Variants in DNAH6 observed in about 807,000 individuals in gnomAD.
DNAH6 encodes axonemal beta dynein heavy chain 6.
DNAH6 carries 340 observed loss-of-function variants against 491.4 expected under a neutral mutation model. That is an observed-to-expected ratio of 0.69 (90% CI 0.63 to 0.76). DNAH6 has a LOEUF of 0.76. Ranked by LOEUF, DNAH6 falls within the 30% of genes least tolerant of loss-of-function variation. DNAH6 has a pLI of 0.00. For missense variants in DNAH6, 4,443 were observed against 4,972.2 expected (o/e 0.89, Z 3.20); for synonymous variants, 1,603 against 1,686.1 (o/e 0.95, Z 1.21).
chr2:84,569,179 G>C (rs986539490), intron 11 of DNAH6, among the ~76,000 whole-genome samples: 6 of 152,054 alleles, frequency 3.9e-5, no homozygotes, highest in Admixed American at 3.9e-4. Flanking sequence ...TCTACACAAA[G>C]GAATACTATG....
At chr2:84,789,965 G>A (rs1677589386) in intron 68 of DNAH6, among the ~76,000 whole-genome samples, 1 of 152,144 alleles carries the variant, frequency 6.6e-6, no homozygotes, top group Admixed American at 6.5e-5. Context: ...TCAGTTCTTT[G>A]GGGATGGACT....
At chr2:84,602,124 T>C (rs970195162) in intron 18 of DNAH6, among the ~76,000 whole-genome samples, 1 of 151,888 alleles carries the variant, frequency 6.6e-6, no homozygotes, top group African/African-American at 2.4e-5. Context: ...TTTAGAGCAA[T>C]AAAAATAAGA....
chr2:84,627,806 A>G (rs1216473915), intron 29 of DNAH6, among the ~76,000 whole-genome samples: 5 of 152,012 alleles, frequency 3.3e-5, no homozygotes, highest in African/African-American at 1.2e-4. Flanking sequence ...TCTTACCCTC[A>G]TATTTTCTCT....
chr2:84,571,846 A>T (rs1456728460), intron 11 of DNAH6, among the ~76,000 whole-genome samples: 1 of 151,940 alleles, frequency 6.6e-6, no homozygotes, highest in African/African-American at 2.4e-5. Context: ...TGAGCCCGAG[A>T]GGTGGAGGTT....
Position 84,745,122 on chromosome 2 carries a change from A to T in DNAH6, c.10385A>T (p.Tyr3462Phe). Residue 3462 changes from tyrosine to phenylalanine, a missense_variant, in exon 63 of 77, where the codon TAT (tyrosine) becomes TTT (phenylalanine). Physicochemically the swap from Tyr to Phe is conservative, Grantham distance 22 (BLOSUM62 3). This residue lies in a region of DNAH6 where 1,463 missense variants were observed against 1,656.6 expected (regional missense o/e 0.88). Coordinates refer to ENST00000389394, the MANE Select transcript of DNAH6 (RefSeq NM_001370.2). Reference sequence around the variant, plus strand: ...ATTAACCCACAGAAATGGGAAGGCTATTCTAAAATGAAACACGAAGATAAA... The same window carrying T: ...ATTAACCCACAGAAATGGGAAGGCTTTTCTAAAATGAAACACGAAGATAAA... ...TYINPQKWEG[Y>F]SKMKHEDKHM... The T allele has an allele frequency of 6.5e-7, 1 of 1,544,252 alleles. No individual in the cohort carries two copies. The highest frequency in any genetic ancestry group is 8.7e-7 in the Non-Finnish European group (1 of 1,143,326).
chr2:84,624,187 A>C, intron 26 of DNAH6, 78 bp from the exon 27 acceptor site: 1 of 1,322,090 alleles, frequency 7.6e-7, no homozygotes, highest in East Asian at 2.6e-5. Flanking sequence ...GTCTCTCCAA[A>C]TTGAATGGTG....
At chr2:84,728,492 A>G (rs988929618) in intron 61 of DNAH6, among the ~76,000 whole-genome samples, 2 of 152,214 alleles carry the variant, frequency 1.3e-5, no homozygotes, top group Admixed American at 6.5e-5. Flanking sequence ...ATGGTGTACT[A>G]TCCTCACCTA....
chr2:84,667,000 A>T (rs965349231), intron 37 of DNAH6, among the ~76,000 whole-genome samples: 1 of 152,122 alleles, frequency 6.6e-6, no homozygotes, highest in East Asian at 1.9e-4. Context: ...ATGGGGAAAC[A>T]ATTCCCTATT....
At chr2:84,778,140 AC>A (rs1676329289) in intron 64 of DNAH6, 1 of 766,586 alleles carries the variant, frequency 1.3e-6, no homozygotes, top group African/African-American at 1.7e-5. Context: ...AACAGCACCA[AC>A]CCCAACAACT....
chr2:84,493,878 G>A, the DNAH6 span, among the ~76,000 whole-genome samples: 1 of 152,168 alleles, frequency 6.6e-6, no homozygotes, highest in South Asian at 2.1e-4. Context: ...TCCATGATAG[G>A]CTGTTTGTTC....
chr2:84,609,271 T>A (rs1686080911), intron 21 of DNAH6, among the ~76,000 whole-genome samples: 1 of 152,220 alleles, frequency 6.6e-6, no homozygotes, highest in South Asian at 2.1e-4. Context: ...GAACTTTTCC[T>A]TTGCATTCAC....
At chr2:84,523,724 C>G (rs1676353123) in intron 2 of DNAH6, among the ~76,000 whole-genome samples, 1 of 152,078 alleles carries the variant, frequency 6.6e-6, no homozygotes, top group South Asian at 2.1e-4. Context: ...AAAATTCTTT[C>G]AGGAGCAGGT....
At chr2:84,682,317 C>CA (rs1300216985) in intron 42 of DNAH6, among the ~76,000 whole-genome samples, 2 of 152,276 alleles carry the variant, frequency 1.3e-5, no homozygotes, top group Non-Finnish European at 2.9e-5. Flanking sequence ...GGGGTCCCCC[C>CA]TCACTGCCTG....
At chr2:84,733,689 C>T (rs1699297661) in intron 62 of DNAH6, 110 bp downstream of exon 62, 1 of 1,000,694 alleles carries the variant, frequency 1.0e-6, no homozygotes. Flanking sequence ...TCACTAGGAA[C>T]TTCCTTCATT....
intron 44 of DNAH6, among the ~76,000 whole-genome samples, chr2:84,688,008 G>A (rs1209668998): frequency 6.6e-6 from 1 of 152,062 alleles, no homozygotes; most frequent in Non-Finnish European, 1.5e-5. Flanking sequence ...GCAGAAGCGG[G>A]CAGATTATTT....
At position 84,637,330 on chromosome 2, in the gene DNAH6, T is replaced by G; in HGVS notation, c.4774T>G (p.Phe1592Val). Residue 1592 changes from phenylalanine (F) to valine (V), a missense_variant, in exon 31 of 77, where the codon TTT becomes GTT. This residue lies in a region of DNAH6 where 2,977 missense variants were observed against 3,296.6 expected (regional missense o/e 0.90). Coordinates refer to ENST00000389394, the MANE Select transcript of DNAH6 (RefSeq NM_001370.2). ...ATTGCCAGATAATTTGAAAGCCCTGTTTAGACCATTTGCGATGATGGTTCC... is the reference window on the plus strand; with the variant it reads ...ATTGCCAGATAATTTGAAAGCCCTGGTTAGACCATTTGCGATGATGGTTCC... ...TELPDNLKAL[F>V]RPFAMMVPNY... The G allele has an allele frequency of 6.4e-7, 1 of 1,550,474 alleles. No homozygotes were observed. The highest frequency in any genetic ancestry group is 8.7e-7 in the Non-Finnish European group (1 of 1,146,296).
At chr2:84,725,008 A>G (rs1345535269) in intron 60 of DNAH6, among the ~76,000 whole-genome samples, 1 of 152,174 alleles carries the variant, frequency 6.6e-6, no homozygotes, top group African/African-American at 2.4e-5. Flanking sequence ...ATCTGGCATA[A>G]TGTTACCCCA....
chr2:84,595,713 C>G lies in DNAH6; in HGVS notation c.2792C>G (p.Thr931Ser), dbSNP rs1163130712. ...GQVSKYAKFVTQLEKGLPPNS... is the reference protein window; with the variant it reads ...GQVSKYAKFVSQLEKGLPPNS... ...GTTTCTAAATATGCTAAATTTGTGA[C>G]TCAACTGGAAAAAGGCTTGCCACCC... The change falls in exon 18 of 77, where the codon ACT becomes AGT. Residue 931 changes from threonine to serine, a missense_variant. Physicochemically the swap from Thr to Ser is moderately conservative, Grantham distance 58 (BLOSUM62 1). Coordinates refer to ENST00000389394, the MANE Select transcript of DNAH6 (RefSeq NM_001370.2). 5.2e-6 allele frequency: 8 copies of G among 1,551,150 alleles called. No homozygotes were observed. Among genetic ancestry groups the G allele is most frequent in the Non-Finnish European group, 7.0e-6 (8 of 1,146,818 alleles).
intron 54 of DNAH6, among the ~76,000 whole-genome samples, chr2:84,708,054 A>G (rs572139022): frequency 7.2e-4 from 110 of 152,276 alleles, no homozygotes; most frequent in Middle Eastern, 3.4e-3. Flanking sequence ...GATGTTCTCA[A>G]TTGGTGAAAC....
Sources: allele counts gnomAD v4.1 joint callset (sites outside exome capture counted in the v4.1 genomes callset), GRCh38; gene constraint gnomAD v4.1.1; regional missense constraint gnomAD v4.1.1; transcripts MANE v1.5; gene names NCBI Gene and HGNC (gene_info 2026-07-23, HGNC 2026-07-21).